CLEC4M: variants seen among roughly 807,000 people sequenced by gnomAD.
The protein encoded by CLEC4M is C-type lectin domain family 4 member M, also known as CD209 antigen-like protein 1.
CLEC4M carries 25 observed loss-of-function variants against 39.1 expected under a neutral mutation model. That is an observed-to-expected ratio of 0.64 (90% CI 0.47 to 0.89). The LOEUF (loss-of-function observed/expected upper bound fraction) is 0.89, where lower values mean the gene tolerates loss of function less well. CLEC4M is among the 40% of genes least tolerant of loss of function. CLEC4M has a pLI of 0.00. For synonymous variants in CLEC4M, 155 were observed against 177.4 expected (o/e 0.87, Z 1.00); for missense variants, 353 against 431.4 (o/e 0.82, Z 1.61).
At chr19:7,765,139 G>T (rs1202929998) in intron 2 of CLEC4M, 46 bp from the exon 3 acceptor site, 3 of 1,603,338 alleles carry the variant, frequency 1.9e-6, no homozygotes, top group Admixed American at 3.3e-5. Context: ...CCTGGGCCAG[G>T]CTCAGGTGGG....
chr19:7,765,157 G>A (rs1393912592), intron 2 of CLEC4M, 28 bp from the exon 3 acceptor site: 1 of 1,612,396 alleles, frequency 6.2e-7, no homozygotes, highest in Non-Finnish European at 8.5e-7. Context: ...GGGAACACTG[G>A]CAGGCTGACG....
Position 7,763,526 on chromosome 19 carries a change from C to T in CLEC4M, c.130+50C>T, listed in dbSNP as rs544700059. ...AGTGGAAGACAGAGCCTCCCAGACC[C>T]CTGGGTCCTGGGGAGGTAGGTGTTG... On this transcript the variant is annotated intron_variant, in intron 2 of 6. Transcript: ENST00000327325. The T allele has an allele frequency of 1.6e-5, 24 of 1,491,608 alleles. No individual in the cohort carries two copies. In the South Asian group the frequency reaches 1.7e-4, roughly 11 times the overall value. The allele number at this position is 1,491,608 out of a possible 1,614,324, so 92.4% of individuals were successfully genotyped here.
intron 4 of CLEC4M, 38 bp downstream of exon 4, chr19:7,766,245 T>C (rs749903838): frequency 9.3e-6 from 15 of 1,611,292 alleles, no homozygotes; most frequent in Admixed American, 8.3e-5. Context: ...GGGCCTGAGA[T>C]GGTCTCTGTG....
chr19:7,766,158 C>T lies in CLEC4M; in HGVS notation c.735C>T (p.Ser245=), dbSNP rs151311200. The change falls in exon 4 of 7, where the codon TCC becomes TCT. Residue 245 remains serine (S), a synonymous_variant. Transcript: ENST00000327325. ...CAGTGGGTGAGTTGCCAGACCAGTC[C>T]AAGCAGCAGCAAATCTATCAAGAAC... ...KAAVGELPDQ[S]KQQQIYQELT... is the part of the protein sequence containing the mutation. 70 of 1,614,106 alleles carry T rather than the reference C, an allele frequency of 4.3e-5. No homozygotes were observed. The East Asian group carries it at 8.9e-4, about 21-fold the overall frequency.
At chr19:7,766,438 C>T (rs2034278241) in intron 4 of CLEC4M, 1 of 1,450,002 alleles carries the variant, frequency 6.9e-7, no homozygotes, top group Admixed American at 2.8e-5. Flanking sequence ...CTAATTCTCC[C>T]AGTCTGGAAG....
chr19:7,763,615 G>A, intron 2 of CLEC4M, 139 bp downstream of exon 2: 1 of 664,210 alleles, frequency 1.5e-6, no homozygotes, highest in East Asian at 2.8e-5. Flanking sequence ...GTCCTGAAGA[G>A]GACGGGGTAG....
rs759751659 is a variant in CLEC4M, at chr19:7,763,297, C to A, written c.31C>A (p.Gln11Lys). The change falls in exon 1 of 7, where the codon CAG becomes AAG. Residue 11 changes from glutamine to lysine, a missense_variant. Coordinates refer to ENST00000327325, the MANE Select transcript of CLEC4M (RefSeq NM_014257.5). ...TGACTCCAAGGAACCAAGGGTGCAG[C>A]AGCTGGGCCTCCTGGGTAAGGCTGG... MSDSKEPRVQ[Q>K]LGLLEEDPTT... 4.8e-5 allele frequency: 77 copies of A among 1,608,962 alleles called. No homozygotes were observed. Among genetic ancestry groups the A allele is most frequent in the Non-Finnish European group, 6.2e-5 (73 of 1,177,522 alleles).
intron 2 of CLEC4M, among the ~76,000 whole-genome samples, chr19:7,764,486 A>T (rs956397654): frequency 4.0e-5 from 6 of 151,534 alleles, no homozygotes; most frequent in African/African-American, 1.5e-4. Context: ...TTTTATTTTT[A>T]TTTATTTATT....
Position 7,769,237 on chromosome 19 carries a change from G to A in CLEC4M, c.*249G>A. On this transcript the variant is annotated 3_prime_UTR_variant, in exon 7 of 7. Coordinates refer to ENST00000327325, the MANE Select transcript of CLEC4M (RefSeq NM_014257.5). Reference sequence around the variant, plus strand: ...AAGTGACCTGAGTGGGATGCATTTAGGGGGCGGGCTTGGTATGTTGTATGA... The same window carrying A: ...AAGTGACCTGAGTGGGATGCATTTAAGGGGCGGGCTTGGTATGTTGTATGA... 3 of 405,214 alleles carry A rather than the reference G, an allele frequency of 7.4e-6. No homozygotes were observed. The highest frequency in any genetic ancestry group is 1.4e-5 in the Non-Finnish European group (3 of 217,608). 25.1% of individuals were successfully genotyped at this position (405,214 alleles called of 1,614,324 possible).
chr19:7,768,776 G>T, intron 6 of CLEC4M, 62 bp from the exon 7 acceptor site: 2 of 1,578,000 alleles, frequency 1.3e-6, no homozygotes, highest in Non-Finnish European at 1.7e-6. Flanking sequence ...TATTACAGAA[G>T]GTAGGAGTGT....
chr19:7,767,560 G>T lies in CLEC4M; in HGVS notation c.981G>T (p.Trp327Cys). The change falls in exon 6 of 7, where the codon TGG becomes TGT. Residue 327 changes from tryptophan (W) to cysteine (C), a missense_variant. Transcript: ENST00000327325. ...CTTCCAGGAGTAACCGCTTCTCCTG[G>T]ATGGGACTTTCAGACCTAAATCAGG... ...LQTSRSNRFS[W>C]MGLSDLNQEG... 6.2e-7 allele frequency: 1 copy of T among 1,614,186 alleles called. No homozygotes were observed. The highest frequency in any genetic ancestry group is 8.5e-7 in the Non-Finnish European group (1 of 1,180,028).
intron 2 of CLEC4M, 108 bp downstream of exon 2, chr19:7,763,584 G>C: frequency 1.1e-6 from 1 of 903,350 alleles, no homozygotes; most frequent in Non-Finnish European, 1.7e-6. Flanking sequence ...GGGAAGGAAG[G>C]TCTGAGACCT....
chr19:7,767,094 T>A, intron 5 of CLEC4M: 1 of 500,982 alleles, frequency 2.0e-6, no homozygotes, highest in South Asian at 2.3e-5. Context: ...TGTGTTGTGT[T>A]TGCCAATTTC....
At chr19:7,765,527 G>C in intron 3 of CLEC4M, 111 bp from the exon 4 acceptor site, 1 of 1,511,660 alleles carries the variant, frequency 6.6e-7, no homozygotes, top group South Asian at 1.3e-5. Context: ...ATCTTCAAAG[G>C]GGATTAACTG....
chr19:7,767,770 G>T, intron 6 of CLEC4M, 142 bp downstream of exon 6: 1 of 667,336 alleles, frequency 1.5e-6, no homozygotes, highest in Admixed American at 2.7e-5. Flanking sequence ...TGAGGAAGGT[G>T]GTCTTCATAC....
In CLEC4M at chr19:7,767,600, T is replaced by C. The variant is rs2034336010; in HGVS notation, c.1021T>C (p.Trp341Arg). 1 of 1,614,032 alleles carries C rather than the reference T, an allele frequency of 6.2e-7. No homozygotes were observed. Among genetic ancestry groups the C allele is most frequent in the Non-Finnish European group, 8.5e-7 (1 of 1,179,970 alleles). The change falls in exon 6 of 7, where the codon TGG (tryptophan) becomes CGG (arginine). Residue 341 changes from tryptophan to arginine, a missense_variant. Around this residue, in one of 4 missense-constraint regions of CLEC4M, gnomAD observed 196 missense variants for 211.7 expected, o/e 0.93. Transcript: ENST00000327325. ...CCTAAATCAGGAAGGCACGTGGCAATGGGTGGACGGCTCACCTCTGTCACC... is the reference window on the plus strand; with the variant it reads ...CCTAAATCAGGAAGGCACGTGGCAACGGGTGGACGGCTCACCTCTGTCACC... ...SDLNQEGTWQ[W>R]VDGSPLSPSF...
Position 7,766,784 on chromosome 19 carries a change from G to C in CLEC4M, c.913G>C (p.Val305Leu). The C allele has an allele frequency of 6.2e-7, 1 of 1,614,172 alleles. No individual in the cohort carries two copies. ...ACQEVRAQLV[V>L]IKTAEEQNFL... ...CCAGGAAGTGAGGGCCCAGCTCGTC[G>C]TAATCAAAACTGCTGAGGAGCAGGT... The change falls in exon 5 of 7, where the codon GTA becomes CTA. Residue 305 changes from valine (V) to leucine (L), a missense_variant. By Grantham distance (32) the Val-to-Leu change is conservative. This residue lies in a region of CLEC4M where 196 missense variants were observed against 211.7 expected (regional missense o/e 0.93). Transcript: ENST00000327325.
At chr19:7,763,545 G>A (rs2034111109) in intron 2 of CLEC4M, 69 bp downstream of exon 2, 2 of 1,348,844 alleles carry the variant, frequency 1.5e-6, no homozygotes, top group Admixed American at 1.9e-5. Context: ...TGGGGAGGTA[G>A]GTGTTGGGGT....
intron 4 of CLEC4M, chr19:7,766,417 C>CCTG: frequency 1.4e-6 from 2 of 1,450,970 alleles, no homozygotes; most frequent in East Asian, 2.5e-5. Flanking sequence ...CTGTTCTGAG[C>CCTG]TCTAAAGCTG....
Sources: allele counts gnomAD v4.1 joint callset (sites outside exome capture counted in the v4.1 genomes callset), GRCh38; gene constraint gnomAD v4.1.1; regional missense constraint gnomAD v4.1.1; transcripts MANE v1.5; gene names NCBI Gene and HGNC (gene_info 2026-07-23, HGNC 2026-07-21).